NLGN4X: variants seen among roughly 807,000 people sequenced by gnomAD.
NLGN4X encodes the protein neuroligin-4, X-linked.
NLGN4X carries 3 observed loss-of-function variants against 40.3 expected under a neutral mutation model. The ratio of observed to expected loss-of-function variants is 0.07; its 90% CI spans 0.03 to 0.19. The LOEUF (loss-of-function observed/expected upper bound fraction) is 0.19, where lower values mean the gene tolerates loss of function less well. NLGN4X is among the 10% of genes least tolerant of loss of function. The pLI is 1.00. For missense variants in NLGN4X, 382 were observed against 708.3 expected, an observed-to-expected ratio of 0.54 and a Z score of 5.23; for synonymous variants, 270 against 306.8, an observed-to-expected ratio of 0.88 and a Z score of 1.25.
At chrX:6,192,938 T>G (rs1226910685) in intron 1 of NLGN4X, among the ~76,000 whole-genome samples, 2 of 111,457 alleles carry the variant, frequency 1.8e-5, no homozygotes, top group Non-Finnish European at 3.8e-5. Flanking sequence ...GAGCCTCCCA[T>G]ACAACCCTCT....
intron 1 of NLGN4X, among the ~76,000 whole-genome samples, chrX:6,183,502 G>C (rs182893151): frequency 1.8e-5 from 2 of 109,569 alleles, no homozygotes; most frequent in East Asian, 5.8e-4. Context: ...AGCGGAGATC[G>C]CGCCACTGCA....
chrX:6,157,382 AC>A (rs1369650975), intron 1 of NLGN4X, among the ~76,000 whole-genome samples: 1 of 112,059 alleles, frequency 8.9e-6, no homozygotes, highest in African/African-American at 3.2e-5. Context: ...AGGATATTCC[AC>A]AGATAGGAAA....
At position 6,205,473 on chromosome X, in the gene NLGN4X, T is replaced by C. The variant is rs1569297888; in HGVS notation, c.-306+23068A>G. ...TTAAAGAGGGTCGCATTAATCCAAT[T>C]TCTAAAGGTTAAGAAAGATCTCTTC... On this transcript the variant is annotated intron_variant, in intron 1 of 5. Coordinates refer to ENST00000381095, the MANE Select transcript of NLGN4X (RefSeq NM_181332.3). 3.6e-5 allele frequency among the ~76,000 whole-genome samples: 4 copies of C among 112,352 alleles called. No individual in the cohort carries two copies. The East Asian group carries it at 1.1e-3, about 31-fold the overall frequency.
intron 1 of NLGN4X, among the ~76,000 whole-genome samples, chrX:6,175,655 G>GAAAAAAAAAAAAAAAAAA (rs3045369): frequency 2.3e-4 from 14 of 60,981 alleles, no homozygotes; most frequent in African/African-American, 5.3e-4. Context: ...ATCTATTACA[G>GAAAAAAAAAAAAAAAAAA]AAAAAAAAAA....
chrX:5,938,500 T>C (rs1317394281), intron 3 of NLGN4X, among the ~76,000 whole-genome samples: 2 of 111,208 alleles, frequency 1.8e-5, no homozygotes, highest in Admixed American at 1.9e-4. Flanking sequence ...GGCTTTGCTT[T>C]TGAGTTTAGA....
intron 1 of NLGN4X, chrX:6,227,319 C>G (rs1227799438): frequency 2.7e-5 from 3 of 109,424 alleles, no homozygotes; most frequent in East Asian, 2.9e-4. Flanking sequence ...CCGTGCGCCC[C>G]GCAGGCTTAA....
intron 3 of NLGN4X, among the ~76,000 whole-genome samples, chrX:6,027,922 T>C (rs753163604): frequency 1.4e-4 from 15 of 110,020 alleles, no homozygotes; most frequent in African/African-American, 4.6e-4. Flanking sequence ...GTTCCAGAGA[T>C]TCTCCCGCCT....
intron 2 of NLGN4X, among the ~76,000 whole-genome samples, chrX:6,067,662 G>C (rs1178069919): frequency 9.0e-6 from 1 of 111,530 alleles, no homozygotes; most frequent in Non-Finnish European, 1.9e-5. Flanking sequence ...GCATTAGATA[G>C]TGCATCTGGG....
chrX:6,152,095 C>T (rs2040179156), intron 1 of NLGN4X, among the ~76,000 whole-genome samples: 1 of 111,165 alleles, frequency 9.0e-6, no homozygotes. Flanking sequence ...GGACCACAAG[C>T]ATGCACCACT....
chrX:5,926,934 T>TTCTATCTATCTA (rs3072082), intron 3 of NLGN4X, among the ~76,000 whole-genome samples: 3,532 of 96,852 alleles, frequency 0.036, 83 homozygotes, highest in African/African-American at 0.067. Context: ...TCTCTATATC[T>TTCTATCTATCTA]TCTATCTATC....
chrX:6,129,314 A>G (rs1307460208), intron 2 of NLGN4X, among the ~76,000 whole-genome samples: 3 of 111,857 alleles, frequency 2.7e-5, no homozygotes, highest in Non-Finnish European at 5.6e-5. Flanking sequence ...CAGTCAATAG[A>G]GTACTACTAG....
intron 2 of NLGN4X, among the ~76,000 whole-genome samples, chrX:6,125,239 G>C (rs2039515032): frequency 8.9e-6 from 1 of 112,079 alleles, no homozygotes; most frequent in African/African-American, 3.2e-5. Flanking sequence ...AGGAAGAAGA[G>C]AAAACAGAAT....
At chrX:5,980,135 A>T (rs1391397567) in intron 3 of NLGN4X, among the ~76,000 whole-genome samples, 1 of 107,087 alleles carries the variant, frequency 9.3e-6, no homozygotes, top group Non-Finnish European at 1.9e-5. Context: ...CATATATACT[A>T]TATATGAATA....
chrX:5,933,448 T>C (rs2033625852), intron 3 of NLGN4X, among the ~76,000 whole-genome samples: 1 of 111,847 alleles, frequency 8.9e-6, no homozygotes, highest in African/African-American at 3.2e-5. Context: ...GATCTGTCAA[T>C]GAATTCCTTG....
In NLGN4X at chrX:5,931,759, C is replaced by T. The variant is rs144866467; in HGVS notation, c.626-22520G>A. On this transcript the variant is annotated intron_variant, in intron 3 of 5. Coordinates refer to ENST00000381095, the MANE Select transcript of NLGN4X (RefSeq NM_181332.3). Reference sequence around the variant, plus strand: ...GAGGATAAGACGAGGCATCAATCTGCGGAAAGAGCAATAATAGAACATGAA... The same window carrying T: ...GAGGATAAGACGAGGCATCAATCTGTGGAAAGAGCAATAATAGAACATGAA... 4.7e-3 allele frequency among the ~76,000 whole-genome samples: 518 copies of T among 111,367 alleles called. 1 individual carries two copies. The highest frequency in any genetic ancestry group is 0.015 in the African/African-American group (450 of 30,662).
chrX:6,133,792 A>G (rs1189787715), intron 2 of NLGN4X, among the ~76,000 whole-genome samples: 1 of 111,632 alleles, frequency 9.0e-6, no homozygotes, highest in Non-Finnish European at 1.9e-5. Flanking sequence ...TCTATATGGT[A>G]ACTAGAAAAT....
chrX:6,032,569 A>C, intron 2 of NLGN4X: 1 of 386,525 alleles, frequency 2.6e-6, no homozygotes. Flanking sequence ...TTAAGGAAGC[A>C]CACCAAAGTG....
intron 3 of NLGN4X, among the ~76,000 whole-genome samples, chrX:6,020,013 T>C (rs749829862): frequency 5.6e-4 from 63 of 112,209 alleles, no homozygotes; most frequent in Non-Finnish European, 9.6e-4. Flanking sequence ...AAAATAAAAT[T>C]TCAGCTTCTT....
At chrX:5,925,829 TATATATATATATATACATACAC>T (rs1418382722) in intron 3 of NLGN4X, among the ~76,000 whole-genome samples, 877 of 60,015 alleles carry the variant, frequency 0.015, 27 homozygotes, top group African/African-American at 0.025. Context: ...TCCCACCATA[TATATATATATATATACATACAC>T]ATATATATAT....
Sources: allele counts gnomAD v4.1 joint callset (sites outside exome capture counted in the v4.1 genomes callset), GRCh38; gene constraint gnomAD v4.1.1; transcripts MANE v1.5; gene names NCBI Gene and HGNC (gene_info 2026-07-23, HGNC 2026-07-21).